The following RARB variants were observed in gnomAD, a reference collection of about 807,000 sequenced individuals.
RARB encodes the protein HBV-activated protein.
In RARB, 17 loss-of-function variants were observed where a neutral mutation model predicts 51.9. The observed-to-expected ratio is 0.33, with a 90% confidence interval of 0.22 to 0.49. The LOEUF (loss-of-function observed/expected upper bound fraction) is 0.49. RARB is among the 20% of genes least tolerant of loss of function. The pLI is 0.99. For missense variants in RARB, 369 were observed against 550.8 expected (o/e 0.67, Z 3.30); for synonymous variants, 215 against 195.4 (o/e 1.10, Z -0.84).
intron 2 of RARB, among the ~76,000 whole-genome samples, chr3:24,863,506 T>A (rs1428839936): frequency 1.3e-5 from 2 of 152,112 alleles, no homozygotes; most frequent in African/African-American, 4.8e-5. Flanking sequence ...AAATGAACAC[T>A]TCTCTGTGGG....
chr3:25,543,279 C>T (rs1009693470), intron 3 of RARB, among the ~76,000 whole-genome samples: 2 of 152,156 alleles, frequency 1.3e-5, no homozygotes, highest in Non-Finnish European at 2.9e-5. Context: ...ACAAAGCTCA[C>T]TGTGAGTAGG....
At chr3:24,884,784 A>G (rs1326533448) in intron 2 of RARB, among the ~76,000 whole-genome samples, 4 of 152,178 alleles carry the variant, frequency 2.6e-5, no homozygotes, top group Non-Finnish European at 5.9e-5. Context: ...TAGGAGCTCT[A>G]TTTGAAAAGT....
At chr3:25,194,811 T>C (rs1174427657) in intron 5 of RARB, among the ~76,000 whole-genome samples, 3 of 151,978 alleles carry the variant, frequency 2.0e-5, no homozygotes, top group Non-Finnish European at 4.4e-5. Context: ...TTTGTTAATT[T>C]CTGTGAACCC....
chr3:25,573,981 T>C (rs1700817430), intron 4 of RARB, among the ~76,000 whole-genome samples: 2 of 152,032 alleles, frequency 1.3e-5, no homozygotes, highest in Admixed American at 1.3e-4. Context: ...TCACCCACAA[T>C]CTTCAGAGCT....
chr3:24,843,717 A>C (rs1347587957), intron 1 of RARB, among the ~76,000 whole-genome samples: 1 of 152,150 alleles, frequency 6.6e-6, no homozygotes, highest in Non-Finnish European at 1.5e-5. Context: ...CTAGGGCTCA[A>C]CCCCAGACCT....
At chr3:25,367,973 G>T (rs1295700911) in intron 5 of RARB, among the ~76,000 whole-genome samples, 1 of 151,978 alleles carries the variant, frequency 6.6e-6, no homozygotes, top group African/African-American at 2.4e-5. Flanking sequence ...TTAAGTTTTC[G>T]GTGCTCCTCT....
chr3:25,587,134 C>T (rs1353704327), intron 5 of RARB, among the ~76,000 whole-genome samples: 1 of 151,946 alleles, frequency 6.6e-6, no homozygotes, highest in Non-Finnish European at 1.5e-5. Flanking sequence ...AATAGTAGCT[C>T]CTCCCCATTC....
At chr3:24,923,956 C>T (rs1425952587) in intron 2 of RARB, among the ~76,000 whole-genome samples, 1 of 152,072 alleles carries the variant, frequency 6.6e-6, no homozygotes, top group Non-Finnish European at 1.5e-5. Flanking sequence ...TAGAAATTAA[C>T]AGGTGAAATA....
intron 2 of RARB, among the ~76,000 whole-genome samples, chr3:25,500,665 G>C (rs928935219): frequency 6.6e-6 from 1 of 151,668 alleles, no homozygotes; most frequent in Non-Finnish European, 1.5e-5. Flanking sequence ...TTTTAGTAGA[G>C]ACAGGGTTTC....
At chr3:25,281,829 C>A (rs1270179494) in intron 5 of RARB, among the ~76,000 whole-genome samples, 2 of 152,108 alleles carry the variant, frequency 1.3e-5, no homozygotes, top group African/African-American at 4.8e-5. Context: ...CCGACATATC[C>A]AGCCATTTTG....
At chr3:25,204,401 G>C (rs545658771) in intron 5 of RARB, among the ~76,000 whole-genome samples, 1 of 152,110 alleles carries the variant, frequency 6.6e-6, no homozygotes, top group South Asian at 2.1e-4. Context: ...AAGTTTGATT[G>C]TCTGAAGCCG....
intron 5 of RARB, among the ~76,000 whole-genome samples, chr3:25,236,428 T>G (rs762381023): frequency 6.6e-6 from 1 of 152,158 alleles, no homozygotes; most frequent in Admixed American, 6.6e-5. Flanking sequence ...CTGCTGACCT[T>G]CTAAAGACTA....
chr3:25,419,345 G>A (rs960917745), intron 5 of RARB, among the ~76,000 whole-genome samples: 5 of 152,154 alleles, frequency 3.3e-5, no homozygotes, highest in African/African-American at 1.2e-4. Flanking sequence ...GGGGTAGCAT[G>A]TTCTGATTCC....
intron 1 of RARB, among the ~76,000 whole-genome samples, chr3:25,455,394 T>A (rs549889538): frequency 6.6e-6 from 1 of 152,188 alleles, no homozygotes; most frequent in Non-Finnish European, 1.5e-5. Context: ...CAAATGTCCT[T>A]CTCCCTAACC....
chr3:25,207,556 A>T (rs1455427215), intron 5 of RARB, among the ~76,000 whole-genome samples: 1 of 152,200 alleles, frequency 6.6e-6, no homozygotes, highest in Non-Finnish European at 1.5e-5. Context: ...AAACATAAAT[A>T]AAAATGCCAG....
chr3:25,327,709 A>C (rs765828430), intron 5 of RARB, among the ~76,000 whole-genome samples: 26 of 152,214 alleles, frequency 1.7e-4, no homozygotes, highest in Non-Finnish European at 3.5e-4. Flanking sequence ...AGAAATGTAA[A>C]GCAATAATGA....
At chr3:25,439,585 A>G (rs909847839) in intron 1 of RARB, among the ~76,000 whole-genome samples, 1 of 152,036 alleles carries the variant, frequency 6.6e-6, no homozygotes, top group African/African-American at 2.4e-5. Flanking sequence ...TTTTGGAGAG[A>G]GAGGGTTTTA....
intron 2 of RARB, among the ~76,000 whole-genome samples, chr3:25,021,973 A>G (rs1398625775): frequency 2.0e-5 from 3 of 152,170 alleles, no homozygotes; most frequent in Non-Finnish European, 2.9e-5. Context: ...TAAAAACTGA[A>G]TTTCCCAATT....
intron 3 of RARB, among the ~76,000 whole-genome samples, chr3:25,548,586 T>C (rs1291938097): frequency 6.6e-6 from 1 of 151,780 alleles, no homozygotes; most frequent in East Asian, 1.9e-4. Flanking sequence ...TAGAGGATGT[T>C]TTTTTCCTGC....
Sources: allele counts gnomAD v4.1 joint callset (sites outside exome capture counted in the v4.1 genomes callset), GRCh38; gene constraint gnomAD v4.1.1; transcripts MANE v1.5; gene names NCBI Gene and HGNC (gene_info 2026-07-23, HGNC 2026-07-21).